MEIS1: variants seen among roughly 807,000 people sequenced by gnomAD.
MEIS1 encodes Meis homeobox 1.
MEIS1 carries 5 observed loss-of-function variants against 50.8 expected under a neutral mutation model. That is an observed-to-expected ratio of 0.10 (90% CI 0.05 to 0.21). The LOEUF is 0.21. Among genes scored for constraint, MEIS1 ranks in the 10% least tolerant of loss-of-function variants. MEIS1 has a pLI of 1.00. For missense variants in MEIS1, 318 were observed against 517.3 expected, an observed-to-expected ratio of 0.61 and a Z score of 3.74; for synonymous variants, 176 against 179.3, an observed-to-expected ratio of 0.98 and a Z score of 0.15.
At chr2:66,525,695 T>C (rs999509796) in intron 8 of MEIS1, among the ~76,000 whole-genome samples, 1 of 152,250 alleles carries the variant, frequency 6.6e-6, no homozygotes, top group Non-Finnish European at 1.5e-5. Context: ...CTGTTTCTTC[T>C]GGGCTTGTTG....
chr2:66,558,306 A>C (rs1368930567), intron 9 of MEIS1, among the ~76,000 whole-genome samples: 1 of 134,732 alleles, frequency 7.4e-6, no homozygotes, highest in South Asian at 2.3e-4. Context: ...AAAAAAAAAG[A>C]AAAAAAGAAA....
chr2:66,486,137 A>G (rs879962278), intron 7 of MEIS1, among the ~76,000 whole-genome samples: 1 of 152,086 alleles, frequency 6.6e-6, no homozygotes, highest in East Asian at 1.9e-4. Flanking sequence ...TTTTGTTGCC[A>G]TTGCTTTTGG....
chr2:66,516,941 A>G (rs562364956), intron 8 of MEIS1, among the ~76,000 whole-genome samples: 30 of 152,308 alleles, frequency 2.0e-4, no homozygotes, highest in African/African-American at 7.0e-4. Flanking sequence ...AAGTACATCT[A>G]ATTGGTATCT....
intron 7 of MEIS1, among the ~76,000 whole-genome samples, chr2:66,504,730 T>C (rs1221979863): frequency 6.6e-6 from 1 of 152,206 alleles, no homozygotes; most frequent in African/African-American, 2.4e-5. Flanking sequence ...ATCTTTTCCG[T>C]CATTGCCACT....
At chr2:66,474,140 G>A (rs376594433) in intron 7 of MEIS1, among the ~76,000 whole-genome samples, 3 of 152,086 alleles carry the variant, frequency 2.0e-5, no homozygotes, top group African/African-American at 7.2e-5. Flanking sequence ...ATACGTGGAT[G>A]TAGAACACAT....
chr2:66,551,289 T>C (rs1674913691), intron 9 of MEIS1, among the ~76,000 whole-genome samples: 1 of 152,176 alleles, frequency 6.6e-6, no homozygotes, highest in Admixed American at 6.5e-5. Flanking sequence ...CAGTGATATA[T>C]ACTACCTGCC....
chr2:66,565,807 T>C (rs1675332215), intron 9 of MEIS1, among the ~76,000 whole-genome samples: 1 of 152,222 alleles, frequency 6.6e-6, no homozygotes, highest in Non-Finnish European at 1.5e-5. Flanking sequence ...TTTTGCTCTC[T>C]TACCTACATT....
chr2:66,485,242 A>G (rs13429292), intron 7 of MEIS1, among the ~76,000 whole-genome samples: 27,055 of 151,874 alleles, frequency 0.18, 5,056 homozygotes, highest in African/African-American at 0.47. Flanking sequence ...TTCTCCTAAC[A>G]CTATCCCTCC....
At chr2:66,532,838 A>G (rs1461157488) in intron 8 of MEIS1, among the ~76,000 whole-genome samples, 1 of 152,200 alleles carries the variant, frequency 6.6e-6, no homozygotes, top group Admixed American at 6.5e-5. Context: ...ACTGTATGAC[A>G]TGACATATAT....
intron 6 of MEIS1, chr2:66,461,992 C>T (rs1001543949): frequency 9.6e-6 from 4 of 417,360 alleles, no homozygotes; most frequent in Admixed American, 9.2e-5. Flanking sequence ...ATTTACTAAA[C>T]AATTAAGCAT....
chr2:66,567,838 A>T, intron 10 of MEIS1: 1 of 546,220 alleles, frequency 1.8e-6, no homozygotes, highest in Non-Finnish European at 3.3e-6. Flanking sequence ...TACTATGACC[A>T]CTCCCTGGTG....
chr2:66,439,764 G>T, intron 2 of MEIS1, 79 bp from the exon 3 acceptor site: 1 of 1,606,150 alleles, frequency 6.2e-7, no homozygotes. Flanking sequence ...TGCTCCTCCA[G>T]CTGTTTTTCT....
Position 66,533,498 on chromosome 2 carries a change from C to T in MEIS1, c.889-14445C>T, listed in dbSNP as rs563350140. Among the ~76,000 whole-genome samples, 3 of 152,304 alleles carry T rather than the reference C, an allele frequency of 2.0e-5. No individual in the cohort carries two copies. The South Asian group carries it at 6.2e-4, about 32-fold the overall frequency. On this transcript the variant is annotated intron_variant, in intron 8 of 12. Transcript: ENST00000272369. ...GAGCACATCTACACTGTCAGTGTCA[C>T]CTCTATATCTTGCTTTTATAGTGTC...
intron 7 of MEIS1, among the ~76,000 whole-genome samples, chr2:66,474,420 C>T (rs1355821888): frequency 6.6e-6 from 1 of 152,152 alleles, no homozygotes; most frequent in Non-Finnish European, 1.5e-5. Context: ...ATGATTCTAC[C>T]TGCCCTGGGC....
chr2:66,474,859 A>G (rs1672851419), intron 7 of MEIS1, among the ~76,000 whole-genome samples: 1 of 152,222 alleles, frequency 6.6e-6, no homozygotes. Flanking sequence ...TTTCCATATT[A>G]GAAGAAAAGG....
At chr2:66,539,032 C>G (rs1446964711) in intron 8 of MEIS1, among the ~76,000 whole-genome samples, 1 of 152,138 alleles carries the variant, frequency 6.6e-6, no homozygotes, top group South Asian at 2.1e-4. Context: ...GGACCACAGG[C>G]GTGTGCCACC....
intron 7 of MEIS1, among the ~76,000 whole-genome samples, chr2:66,510,210 A>G (rs796446465): frequency 6.6e-6 from 1 of 152,224 alleles, no homozygotes; most frequent in Non-Finnish European, 1.5e-5. Context: ...CTGAATAAAA[A>G]GGCTGTTTAA....
intron 2 of MEIS1, among the ~76,000 whole-genome samples, chr2:66,438,708 C>T (rs1360285404): frequency 6.6e-6 from 1 of 152,166 alleles, no homozygotes; most frequent in Non-Finnish European, 1.5e-5. Context: ...TAGTAGAATC[C>T]TTTGAAACTC....
At chr2:66,498,881 A>T (rs1673478280) in intron 7 of MEIS1, among the ~76,000 whole-genome samples, 1 of 152,228 alleles carries the variant, frequency 6.6e-6, no homozygotes, top group Non-Finnish European at 1.5e-5. Context: ...CTCCCTACTG[A>T]ATCTAAAGCT....
Sources: gnomAD v4.1 joint callset for allele counts (sites outside exome capture counted in the v4.1 genomes callset) on GRCh38, gnomAD v4.1.1 for gene constraint, MANE v1.5 for transcripts, NCBI Gene and HGNC (gene_info 2026-07-23, HGNC 2026-07-21) for gene names.